The following GRIK2 variants were observed in gnomAD, a reference collection of about 807,000 sequenced individuals.
The protein encoded by GRIK2 is glutamate ionotropic receptor kainate type subunit 2, also known as glutamate receptor ionotropic, kainate 2.
In GRIK2, 32 loss-of-function variants were observed where a neutral mutation model predicts 100.3. The observed-to-expected ratio is 0.32, with a 90% CI of 0.24 to 0.43. The LOEUF (loss-of-function observed/expected upper bound fraction) is 0.43. Ranked by LOEUF, GRIK2 falls within the 20% of genes least tolerant of loss-of-function variation. The probability of loss-of-function intolerance (pLI) is 1.00; values close to 1 mark genes in which losing one functional copy is unlikely to be tolerated. For missense variants in GRIK2, 843 were observed against 1,114.9 expected (o/e 0.76, Z 3.47); for synonymous variants, 417 against 389.4 (o/e 1.07, Z -0.83).
At chr6:101,735,358 T>C (rs975878527) in intron 7 of GRIK2, among the ~76,000 whole-genome samples, 14 of 152,202 alleles carry the variant, frequency 9.2e-5, no homozygotes, top group Non-Finnish European at 1.9e-4. Flanking sequence ...ATCTCAGAAA[T>C]AACAGGGTTT....
At chr6:101,954,560 A>G (rs1048200784) in intron 14 of GRIK2, among the ~76,000 whole-genome samples, 3 of 152,160 alleles carry the variant, frequency 2.0e-5, no homozygotes, top group Non-Finnish European at 4.4e-5. Context: ...GTGATTTTAC[A>G]TACTGCAGTG....
intron 2 of GRIK2, among the ~76,000 whole-genome samples, chr6:101,502,210 A>G (rs1773792799): frequency 6.6e-6 from 1 of 152,206 alleles, no homozygotes; most frequent in Admixed American, 6.5e-5. Flanking sequence ...AAACATATCT[A>G]TGAAGCAATT....
intron 4 of GRIK2, among the ~76,000 whole-genome samples, chr6:101,661,577 G>A (rs371178416): frequency 1.3e-5 from 2 of 152,108 alleles, no homozygotes; most frequent in African/African-American, 4.8e-5. Flanking sequence ...GCCCAGTTTT[G>A]TGCTTGAAAC....
chr6:101,623,538 G>A (rs1177689174), intron 3 of GRIK2, among the ~76,000 whole-genome samples: 1 of 152,184 alleles, frequency 6.6e-6, no homozygotes, highest in South Asian at 2.1e-4. Context: ...AGAATATGGA[G>A]TATGAGTGCA....
chr6:101,826,196 T>C, intron 10 of GRIK2, among the ~76,000 whole-genome samples: 1 of 152,062 alleles, frequency 6.6e-6, no homozygotes, highest in East Asian at 1.9e-4. Flanking sequence ...ATCAAGAACA[T>C]TTTGAACAAA....
chr6:101,452,175 G>A (rs943761491), intron 2 of GRIK2, among the ~76,000 whole-genome samples: 2 of 151,618 alleles, frequency 1.3e-5, no homozygotes, highest in African/African-American at 4.8e-5. Context: ...AGAAGCATAC[G>A]GATCTCCATA....
At chr6:102,063,985 A>C in intron 16 of GRIK2, 1 of 1,553,394 alleles carries the variant, frequency 6.4e-7, no homozygotes, top group Non-Finnish European at 8.9e-7. Flanking sequence ...GGTTAGTGCC[A>C]CCATACCATC....
At chr6:101,562,048 GACAGA>G (rs1383625885) in intron 2 of GRIK2, among the ~76,000 whole-genome samples, 2 of 152,094 alleles carry the variant, frequency 1.3e-5, no homozygotes, top group Non-Finnish European at 2.9e-5. Context: ...CCACTAACCT[GACAGA>G]ACTGCAGAAA....
intron 14 of GRIK2, among the ~76,000 whole-genome samples, chr6:101,974,475 T>TAC (rs1289456462): frequency 2.6e-5 from 4 of 151,934 alleles, no homozygotes; most frequent in African/African-American, 9.7e-5. Flanking sequence ...AAACAGAACA[T>TAC]ACACACACAT....
chr6:101,741,451 G>C (rs577992744), intron 7 of GRIK2, among the ~76,000 whole-genome samples: 38 of 152,198 alleles, frequency 2.5e-4, no homozygotes, highest in Non-Finnish European at 4.7e-4. Flanking sequence ...ATAAAAGACA[G>C]TGTTTATGTA....
intron 13 of GRIK2, among the ~76,000 whole-genome samples, chr6:101,926,204 T>A (rs1241411827): frequency 6.7e-6 from 1 of 148,626 alleles, no homozygotes; most frequent in East Asian, 1.9e-4. Flanking sequence ...GGTTTTTTTT[T>A]TTTTTTTTTT....
intron 8 of GRIK2, among the ~76,000 whole-genome samples, chr6:101,802,046 G>T (rs1221193913): frequency 5.9e-5 from 9 of 151,722 alleles, no homozygotes; most frequent in African/African-American, 2.2e-4. Context: ...TTTAGTTAAA[G>T]AGGTACACTA....
Position 101,399,326 on chromosome 6 carries a change from G to A in GRIK2, c.49G>A (p.Val17Ile). Residue 17 changes from valine (V) to isoleucine (I), a missense_variant, in exon 2 of 17, where the codon GTT (valine) becomes ATT (isoleucine). Physicochemically the swap from Val to Ile is conservative, Grantham distance 29. Transcript: ENST00000369134. ...AAGTAATCCAGTCTTCAGGCGCACC[G>A]TTAAACTCCTGCTCTGTTTACTGTG... ...ILSNPVFRRT[V>I]KLLLCLLWIG... The A allele has an allele frequency of 6.3e-7, 1 of 1,599,726 alleles. No homozygotes were observed. The highest frequency in any genetic ancestry group is 8.6e-7 in the Non-Finnish European group (1 of 1,167,032).
chr6:101,546,891 C>T (rs1214147878), intron 2 of GRIK2, among the ~76,000 whole-genome samples: 2 of 114,310 alleles, frequency 1.7e-5, no homozygotes, highest in African/African-American at 3.4e-5. Flanking sequence ...AGTGCAGTGG[C>T]GGGATCTCGG....
At chr6:101,806,465 C>G (rs1167453727) in intron 9 of GRIK2, among the ~76,000 whole-genome samples, 1 of 152,062 alleles carries the variant, frequency 6.6e-6, no homozygotes, top group Admixed American at 6.6e-5. Context: ...TAAACCACAG[C>G]AGCCAGGCAG....
chr6:101,409,586 A>G (rs1338033953), intron 2 of GRIK2, among the ~76,000 whole-genome samples: 1 of 152,078 alleles, frequency 6.6e-6, no homozygotes, highest in Non-Finnish European at 1.5e-5. Flanking sequence ...CCGTGAATTT[A>G]GTTGTTTGGG....
chr6:101,784,081 A>C (rs1779272580), intron 7 of GRIK2, among the ~76,000 whole-genome samples: 1 of 152,250 alleles, frequency 6.6e-6, no homozygotes. Context: ...AATTTGCATA[A>C]GTAACGAGGA....
chr6:101,449,419 T>C (rs976832396), intron 2 of GRIK2, among the ~76,000 whole-genome samples: 10 of 151,660 alleles, frequency 6.6e-5, no homozygotes, highest in Admixed American at 1.3e-4. Context: ...GCAGTATGTA[T>C]AATGTAGGCT....
chr6:101,892,059 C>A (rs929806353), intron 12 of GRIK2, among the ~76,000 whole-genome samples: 2 of 151,956 alleles, frequency 1.3e-5, no homozygotes, highest in African/African-American at 4.8e-5. Flanking sequence ...TTTGCATGTA[C>A]CCTTGTTTTT....
Sources: gnomAD v4.1 joint callset for allele counts (sites outside exome capture counted in the v4.1 genomes callset) on GRCh38, gnomAD v4.1.1 for gene constraint, MANE v1.5 for transcripts, NCBI Gene and HGNC (gene_info 2026-07-23, HGNC 2026-07-21) for gene names.